The following TUSC3 variants were observed in gnomAD, a reference collection of about 807,000 sequenced individuals.
TUSC3 encodes the protein dolichyl-diphosphooligosaccharide--protein glycosyltransferase subunit TUSC3.
Under a neutral mutation model 44.8 loss-of-function variants are expected in TUSC3, and 45 were observed. The observed-to-expected ratio is 1.00, with a 90% CI of 0.79 to 1.29. The LOEUF (loss-of-function observed/expected upper bound fraction) is 1.29. Ranked by LOEUF, TUSC3 falls within the 50% of genes most tolerant of loss-of-function variation. The probability of loss-of-function intolerance (pLI) is 0.00; values close to 1 mark genes in which losing one functional copy is unlikely to be tolerated. For missense variants in TUSC3, 519 were observed against 437.9 expected, an observed-to-expected ratio of 1.19 and a Z score of -1.65; for synonymous variants, 212 against 152.9, an observed-to-expected ratio of 1.39 and a Z score of -2.85.
chr8:15,474,517 A>T (rs1800548760), intron 1 of TUSC3, among the ~76,000 whole-genome samples: 1 of 152,296 alleles, frequency 6.6e-6, no homozygotes, highest in South Asian at 2.1e-4. Flanking sequence ...GCAACAATAA[A>T]GTAGATTGCT....
intron 1 of TUSC3, among the ~76,000 whole-genome samples, chr8:15,460,282 T>C (rs1800327099): frequency 6.6e-6 from 1 of 152,192 alleles, no homozygotes; most frequent in Non-Finnish European, 1.5e-5. Flanking sequence ...AGTTCCCTGA[T>C]TGTTAGTGAT....
intron 2 of TUSC3, among the ~76,000 whole-genome samples, chr8:15,528,691 C>A (rs1328252128): frequency 6.6e-6 from 1 of 152,216 alleles, no homozygotes; most frequent in African/African-American, 2.4e-5. Flanking sequence ...ATACTCCCTG[C>A]ATACTCCTGT....
chr8:15,742,874 A>C (rs1233977109), intron 7 of TUSC3, among the ~76,000 whole-genome samples: 3 of 152,228 alleles, frequency 2.0e-5, no homozygotes, highest in African/African-American at 7.2e-5. Flanking sequence ...CATTTTCTTA[A>C]TTCTGGCATT....
intron 1 of TUSC3, among the ~76,000 whole-genome samples, chr8:15,474,063 TATTA>T (rs1304377799): frequency 6.6e-6 from 1 of 152,100 alleles, no homozygotes; most frequent in Non-Finnish European, 1.5e-5. Context: ...TTCCCCACGG[TATTA>T]ATTATTAATA....
intron 1 of TUSC3, among the ~76,000 whole-genome samples, chr8:15,541,568 CTT>C: frequency 6.6e-6 from 1 of 152,112 alleles, no homozygotes; most frequent in South Asian, 2.1e-4. Flanking sequence ...GATTGTTTCC[CTT>C]TCTCTTTATT....
intron 9 of TUSC3, among the ~76,000 whole-genome samples, chr8:15,749,818 A>G (rs2129218654): frequency 6.8e-6 from 1 of 147,636 alleles, no homozygotes; most frequent in Non-Finnish European, 1.5e-5. Context: ...GTGTTCTATA[A>G]TGGAAACTGT....
At chr8:15,536,542 C>T (rs771615378), upstream of TUSC3, among the ~76,000 whole-genome samples, 6 of 151,310 alleles carry the variant, frequency 4.0e-5, no homozygotes, top group Admixed American at 1.3e-4. Flanking sequence ...ATTAGCCGGG[C>T]GTGGTGGCGG....
the TUSC3 span, among the ~76,000 whole-genome samples, chr8:15,818,939 G>T: frequency 0.8 from 121,595 of 152,096 alleles, 49,044 homozygotes; most frequent in Non-Finnish European, 0.85. Context: ...TTCATTCCTT[G>T]TGGGTCTCGT....
chr8:15,752,236 A>G (rs1295963334), intron 9 of TUSC3, among the ~76,000 whole-genome samples: 2 of 152,036 alleles, frequency 1.3e-5, no homozygotes, highest in East Asian at 1.9e-4. Context: ...GGCTGAGGGT[A>G]TTTCATGAGC....
At chr8:15,542,545 C>A (rs1280033465) in intron 1 of TUSC3, among the ~76,000 whole-genome samples, 1 of 151,508 alleles carries the variant, frequency 6.6e-6, no homozygotes, top group Non-Finnish European at 1.5e-5. Flanking sequence ...AGGGTGCTTA[C>A]ATTTTTGTTT....
intron 1 of TUSC3, among the ~76,000 whole-genome samples, chr8:15,465,730 A>G (rs910506783): frequency 5.9e-5 from 9 of 152,296 alleles, no homozygotes; most frequent in African/African-American, 1.7e-4. Context: ...TTTTGGAATT[A>G]AACATCAAAC....
chr8:15,722,457 C>CT (rs1408864613), intron 6 of TUSC3, among the ~76,000 whole-genome samples: 1 of 152,054 alleles, frequency 6.6e-6, no homozygotes, highest in Non-Finnish European at 1.5e-5. Context: ...TTAGGAGCTG[C>CT]TAGCCCACCA....
chr8:15,487,857 G>A (rs190631582), intron 2 of TUSC3, among the ~76,000 whole-genome samples: 213 of 146,892 alleles, frequency 1.5e-3, no homozygotes, highest in Admixed American at 0.012. Context: ...TTATTATCTC[G>A]TTTTACTTTA....
At chr8:15,536,386 A>C (rs543253922), upstream of TUSC3, among the ~76,000 whole-genome samples, 2 of 152,178 alleles carry the variant, frequency 1.3e-5, no homozygotes, top group East Asian at 3.9e-4. Flanking sequence ...TTTACCAAGA[A>C]AAGAATGCAA....
At chr8:15,543,254 A>G (rs1801749992) in intron 1 of TUSC3, among the ~76,000 whole-genome samples, 2 of 152,186 alleles carry the variant, frequency 1.3e-5, no homozygotes, top group African/African-American at 4.8e-5. Context: ...TATTATTGAC[A>G]TATGTACCAG....
chr8:15,450,865 A>G (rs1213849156), intron 1 of TUSC3, among the ~76,000 whole-genome samples: 1 of 152,152 alleles, frequency 6.6e-6, no homozygotes, highest in Non-Finnish European at 1.5e-5. Flanking sequence ...CTTGAGAAGT[A>G]GGCTTAAAAC....
intron 9 of TUSC3, among the ~76,000 whole-genome samples, chr8:15,751,808 G>T (rs1472209992): frequency 6.6e-6 from 1 of 152,176 alleles, no homozygotes; most frequent in Non-Finnish European, 1.5e-5. Context: ...TCAAAACTCT[G>T]TGGCTTCTTA....
At chr8:15,426,306 C>G (rs1336868672) in intron 1 of TUSC3, among the ~76,000 whole-genome samples, 1 of 152,100 alleles carries the variant, frequency 6.6e-6, no homozygotes, top group Non-Finnish European at 1.5e-5. Flanking sequence ...TCCAAAATAC[C>G]ATATTGTTAA....
intron 2 of TUSC3, among the ~76,000 whole-genome samples, chr8:15,493,132 A>G (rs1366579794): frequency 6.6e-6 from 1 of 152,242 alleles, no homozygotes; most frequent in South Asian, 2.1e-4. Flanking sequence ...CAGAATAAGG[A>G]TGAGTGTTAT....
Sources: allele counts gnomAD v4.1 joint callset (sites outside exome capture counted in the v4.1 genomes callset), GRCh38; gene constraint gnomAD v4.1.1; transcripts MANE v1.5; gene names NCBI Gene and HGNC (gene_info 2026-07-23, HGNC 2026-07-21).